ESR1: variants seen among roughly 807,000 people sequenced by gnomAD.
ESR1 encodes the protein estrogen receptor 1.
Under a neutral mutation model 52.7 loss-of-function variants are expected in ESR1, and 12 were observed. That is an observed-to-expected ratio of 0.23 (90% CI 0.15 to 0.37). The LOEUF is 0.37. ESR1 is among the 10% of genes least tolerant of loss of function. The pLI is 1.00. For synonymous variants in ESR1, 305 were observed against 316.8 expected, an observed-to-expected ratio of 0.96 and a Z score of 0.39; for missense variants, 584 against 779.7, an observed-to-expected ratio of 0.75 and a Z score of 2.99.
chr6:152,023,904 T>A (rs973627031), intron 5 of ESR1, among the ~76,000 whole-genome samples: 5 of 152,148 alleles, frequency 3.3e-5, no homozygotes, highest in South Asian at 2.1e-4. Context: ...TCCCTTACAT[T>A]TTTGTAAATA....
At chr6:151,937,735 G>A (rs755148025) in intron 3 of ESR1, among the ~76,000 whole-genome samples, 1 of 152,150 alleles carries the variant, frequency 6.6e-6, no homozygotes, top group African/African-American at 2.4e-5. Context: ...ATTACGTAGT[G>A]TAATGATATA....
intron 2 of ESR1, among the ~76,000 whole-genome samples, chr6:151,849,960 A>C (rs1785998810): frequency 8.2e-6 from 1 of 121,966 alleles, no homozygotes; most frequent in African/African-American, 3.1e-5. Context: ...TTCTCTTTCC[A>C]CCTAGTTTCC....
chr6:152,122,138 C>A, intron 6 of ESR1: 1 of 431,782 alleles, frequency 2.3e-6, no homozygotes, highest in Non-Finnish European at 4.3e-6. Flanking sequence ...GGGCCAAGGG[C>A]CCAGAATTCA....
intron 4 of ESR1, among the ~76,000 whole-genome samples, chr6:151,992,631 T>C (rs753691467): frequency 1.3e-4 from 20 of 152,096 alleles, no homozygotes; most frequent in Admixed American, 3.3e-4. Flanking sequence ...AGCTTGGAAT[T>C]TGGAAGATGA....
At chr6:151,996,311 C>G (rs555234343) in intron 4 of ESR1, among the ~76,000 whole-genome samples, 2 of 152,250 alleles carry the variant, frequency 1.3e-5, no homozygotes, top group South Asian at 4.1e-4. Context: ...TCAATACACC[C>G]TCTGCTTTAG....
At chr6:152,104,825 G>A (rs1246732202), downstream of ESR1, among the ~76,000 whole-genome samples, 2 of 152,154 alleles carry the variant, frequency 1.3e-5, no homozygotes, top group East Asian at 1.9e-4. Flanking sequence ...TCAGGATGGG[G>A]AATCAGCCAT....
At chr6:151,879,389 A>G (rs1375100581) in intron 2 of ESR1, among the ~76,000 whole-genome samples, 2 of 152,172 alleles carry the variant, frequency 1.3e-5, no homozygotes, top group Non-Finnish European at 2.9e-5. Flanking sequence ...TGGGTTGAGC[A>G]ATGCAAGAGA....
At chr6:152,126,230 T>A (rs971253756) in exon 7 of ESR1, 1 of 152,172 alleles carries the variant, frequency 6.6e-6, no homozygotes, top group African/African-American at 2.4e-5. Context: ...AACTATCCAC[T>A]GGGAAAATGC....
upstream of ESR1, chr6:151,805,489 C>T (rs1440898319): frequency 6.6e-6 from 1 of 152,368 alleles, no homozygotes; most frequent in African/African-American, 2.4e-5. Context: ...TGGGGTTTCT[C>T]CTCCCCAGTA....
chr6:151,946,633 T>TA (rs2035734415), intron 4 of ESR1, among the ~76,000 whole-genome samples: 1 of 152,122 alleles, frequency 6.6e-6, no homozygotes, highest in African/African-American at 2.4e-5. Context: ...CTTAGACCAA[T>TA]AAACTATGTC....
chr6:151,890,445 G>A (rs1012722763), intron 3 of ESR1, among the ~76,000 whole-genome samples: 1 of 152,198 alleles, frequency 6.6e-6, no homozygotes, highest in Admixed American at 6.5e-5. Flanking sequence ...TATTTGAGAA[G>A]AATGTGTGTT....
chr6:151,888,152 T>G (rs1414889915), intron 3 of ESR1, among the ~76,000 whole-genome samples: 1 of 152,130 alleles, frequency 6.6e-6, no homozygotes, highest in Admixed American at 6.5e-5. Context: ...TATTCAGGGT[T>G]TTTTTGTGGT....
At chr6:151,966,269 T>C (rs1235244713) in intron 4 of ESR1, among the ~76,000 whole-genome samples, 2 of 152,234 alleles carry the variant, frequency 1.3e-5, no homozygotes, top group Non-Finnish European at 2.9e-5. Context: ...ACTCTGACTC[T>C]TATTTCTTTC....
intron 6 of ESR1, among the ~76,000 whole-genome samples, chr6:152,071,549 T>C (rs934931416): frequency 6.6e-6 from 1 of 152,246 alleles, no homozygotes; most frequent in Non-Finnish European, 1.5e-5. Context: ...GGGCTATTTT[T>C]AATACAAGTT....
At chr6:152,004,430 T>G (rs974896473) in intron 4 of ESR1, among the ~76,000 whole-genome samples, 17 of 151,998 alleles carry the variant, frequency 1.1e-4, no homozygotes, top group African/African-American at 4.1e-4. Flanking sequence ...AGTTAGCCAC[T>G]CATCGTATTT....
intron 3 of ESR1, among the ~76,000 whole-genome samples, chr6:151,901,747 C>A (rs1796731514): frequency 6.6e-6 from 1 of 152,210 alleles, no homozygotes; most frequent in Non-Finnish European, 1.5e-5. Context: ...GGGCTATCCC[C>A]CTTTCCTACT....
At chr6:151,803,174 A>G (rs1777433662), upstream of ESR1, among the ~76,000 whole-genome samples, 1 of 152,218 alleles carries the variant, frequency 6.6e-6, no homozygotes, top group Non-Finnish European at 1.5e-5. Flanking sequence ...AATTCTAGCC[A>G]GACCTTGTCC....
chr6:151,850,085 T>A lies in ESR1; in HGVS notation c.643+7298T>A. 5.3e-5 allele frequency among the ~76,000 whole-genome samples: 7 copies of A among 133,058 alleles called. 1 individual carries two copies. The East Asian group carries it at 1.2e-3, about 24-fold the overall frequency. 87.3% of individuals were successfully genotyped at this position (133,058 alleles called of 152,430 possible). The stretch of plus-strand genomic sequence containing the variant: ...TTTTATATATATATAAAAAATTATA[T>A]ATATATAATTTTATATATATATACA... On this transcript the variant is annotated intron_variant, in intron 2 of 7. Coordinates refer to ENST00000206249, the MANE Select transcript of ESR1 (RefSeq NM_000125.4).
At chr6:151,668,844 C>A (rs1393171499) in intron 1 of ESR1, among the ~76,000 whole-genome samples, 2 of 152,064 alleles carry the variant, frequency 1.3e-5, no homozygotes, top group Non-Finnish European at 2.9e-5. Flanking sequence ...GGCATTTGAA[C>A]TTGGCCTTTG....
Sources: gnomAD v4.1 joint callset for allele counts (sites outside exome capture counted in the v4.1 genomes callset) on GRCh38, gnomAD v4.1.1 for gene constraint, MANE v1.5 for transcripts, NCBI Gene and HGNC (gene_info 2026-07-23, HGNC 2026-07-21) for gene names.